USP26: variants seen among roughly 807,000 people sequenced by gnomAD.
USP26 encodes ubiquitin carboxyl-terminal hydrolase 26.
For missense variants in USP26, 649 were observed against 642.3 expected, an observed-to-expected ratio of 1.01 and a Z score of -0.11; for synonymous variants, 236 against 240.6, an observed-to-expected ratio of 0.98 and a Z score of 0.18.
chrX:133,073,143 A>G (rs1334152343), intron 5 of USP26, among the ~76,000 whole-genome samples: 1 of 110,811 alleles, frequency 9.0e-6, no homozygotes, highest in African/African-American at 3.3e-5. Flanking sequence ...TTTATTAAGT[A>G]GAAAACCAGT....
intron 1 of USP26, among the ~76,000 whole-genome samples, chrX:133,093,818 A>G (rs756648273): frequency 3.8e-5 from 4 of 106,621 alleles, no homozygotes; most frequent in Non-Finnish European, 7.7e-5. Context: ...CCGTCTCTAT[A>G]AAAAATACAA....
chrX:133,052,935 A>C (rs1602977968), intron 5 of USP26, among the ~76,000 whole-genome samples: 1 of 111,693 alleles, frequency 9.0e-6, no homozygotes. Flanking sequence ...CTGTGTGAGG[A>C]AAGAGCCAAG....
At chrX:133,083,421 G>C (rs932262106) in intron 5 of USP26, among the ~76,000 whole-genome samples, 15 of 96,370 alleles carry the variant, frequency 1.6e-4, no homozygotes, top group African/African-American at 5.5e-4. Context: ...CTGACCAGGC[G>C]TGTAGGGTGA....
intron 5 of USP26, among the ~76,000 whole-genome samples, chrX:133,080,551 A>G (rs747529886): frequency 6.3e-5 from 7 of 111,110 alleles, no homozygotes; most frequent in Admixed American, 3.9e-4. Context: ...CAACTCCCCA[A>G]TTAAGTGAGG....
At chrX:133,080,249 C>T (rs950412415) in intron 5 of USP26, among the ~76,000 whole-genome samples, 1 of 111,123 alleles carries the variant, frequency 9.0e-6, no homozygotes, top group Non-Finnish European at 1.9e-5. Flanking sequence ...AAGATCTAGA[C>T]CAGAAAACCA....
intron 5 of USP26, among the ~76,000 whole-genome samples, chrX:133,052,969 G>A (rs112683893): frequency 0.034 from 3,815 of 111,266 alleles, 98 homozygotes; most frequent in East Asian, 0.1. Flanking sequence ...GAGAAAGCAG[G>A]GCTGGGAAAA....
At chrX:133,034,306 C>G (rs919002236) in intron 5 of USP26, among the ~76,000 whole-genome samples, 1 of 111,555 alleles carries the variant, frequency 9.0e-6, no homozygotes, top group African/African-American at 3.3e-5. Context: ...AGAATCTTAA[C>G]TTTCCTGAGG....
At chrX:133,035,833 G>A (rs764281433) in intron 5 of USP26, among the ~76,000 whole-genome samples, 5 of 112,175 alleles carry the variant, frequency 4.5e-5, no homozygotes, top group Non-Finnish European at 9.4e-5. Flanking sequence ...AATCACAGCA[G>A]AACAGAAATC....
Position 133,033,037 on chromosome X carries a change from C to T in USP26, c.-76-4741G>A, listed in dbSNP as rs188736091. Among the ~76,000 whole-genome samples the T allele has an allele frequency of 6.3e-5, 7 of 111,254 alleles. No individual in the cohort carries two copies. The East Asian group carries it at 2.0e-3, about 32-fold the overall frequency. On this transcript the variant is annotated intron_variant, in intron 5 of 5. Transcript: ENST00000511190. ...AGTGGAGAGTTGAATGTTAGGGGCA[C>T]GTAGACTGCGTTAGAGACAGACATG...
chrX:133,033,218 C>G, intron 5 of USP26, among the ~76,000 whole-genome samples: 1 of 111,858 alleles, frequency 8.9e-6, no homozygotes, highest in Admixed American at 9.5e-5. Flanking sequence ...TATGTTTGGT[C>G]CCAGCTTCAG....
chrX:133,026,946 A>G lies in USP26; in HGVS notation c.1275T>C (p.Pro425=). Residue 425 remains proline (P), a synonymous_variant, in exon 6 of 6, where the codon CCT becomes CCC. Transcript: ENST00000511190. Reference sequence around the variant, plus strand: ...CAGGGCAAGAAAACCCACTGGTGTCAGGATCATCAGCAAAAACCTGTTTAG... The same window carrying G: ...CAGGGCAAGAAAACCCACTGGTGTCGGGATCATCAGCAAAAACCTGTTTAG... ...NFPKQVFADD[P]DTSGFSCPVI... 1 of 1,211,514 alleles carries G rather than the reference A, an allele frequency of 8.3e-7. No homozygotes were observed.
intron 5 of USP26, among the ~76,000 whole-genome samples, chrX:133,074,199 C>T (rs1399960480): frequency 8.9e-6 from 1 of 112,250 alleles, no homozygotes; most frequent in Non-Finnish European, 1.9e-5. Context: ...CAGTATCAGA[C>T]TGTGGACTAA....
intron 5 of USP26, among the ~76,000 whole-genome samples, chrX:133,053,874 C>T (rs2067467617): frequency 9.0e-6 from 1 of 111,592 alleles, no homozygotes; most frequent in Admixed American, 9.5e-5. Flanking sequence ...GAAAAAGTAC[C>T]TACTTAAGTA....
At chrX:133,077,522 A>G (rs1399816421) in intron 5 of USP26, among the ~76,000 whole-genome samples, 3 of 112,067 alleles carry the variant, frequency 2.7e-5, no homozygotes, top group Non-Finnish European at 5.6e-5. Flanking sequence ...TCATTTTCAG[A>G]TATACTACAA....
chrX:133,054,409 C>G (rs1333451642), intron 5 of USP26, among the ~76,000 whole-genome samples: 1 of 111,664 alleles, frequency 9.0e-6, no homozygotes, highest in Non-Finnish European at 1.9e-5. Context: ...GAAATGGATT[C>G]ACATAATAGT....
rs2798780 is a variant in USP26 at position 133,035,471 on chromosome X, A to G, written c.-76-7175T>C. On this transcript the variant is annotated intron_variant, in intron 5 of 5. Coordinates refer to ENST00000511190, the MANE Select transcript of USP26 (RefSeq NM_031907.3). ...AAAGAATTTGGTAATGCCTCCCATG[A>G]CAGAACCAGCTTTTAGAGCCTATTA... Among the ~76,000 whole-genome samples, 275 of 112,101 alleles carry G rather than the reference A, an allele frequency of 2.5e-3. 1 individual carries two copies. The highest frequency in any genetic ancestry group is 8.3e-3 in the African/African-American group (256 of 30,886).
intron 5 of USP26, among the ~76,000 whole-genome samples, chrX:133,069,428 C>T (rs1171103460): frequency 9.0e-6 from 1 of 110,504 alleles, no homozygotes; most frequent in African/African-American, 3.3e-5. Flanking sequence ...AGAATGGGAC[C>T]CAGAAAGACC....
At chrX:133,059,168 C>T (rs1041443734) in intron 5 of USP26, among the ~76,000 whole-genome samples, 1 of 111,121 alleles carries the variant, frequency 9.0e-6, no homozygotes, top group African/African-American at 3.3e-5. Flanking sequence ...GCATTTCATA[C>T]GATCTCCTTT....
chrX:133,094,817 G>A lies in USP26; in HGVS notation c.-393+2213C>T, dbSNP rs773394780. Among the ~76,000 whole-genome samples, 12 of 111,724 alleles carry A rather than the reference G, an allele frequency of 1.1e-4. No individual in the cohort carries two copies. In the South Asian group the frequency reaches 4.5e-3, roughly 41 times the overall value. On this transcript the variant is annotated intron_variant, in intron 1 of 5. Transcript: ENST00000511190. Reference sequence around the variant, plus strand: ...ACATTAAAAATACCACAAACGGGCTGGGCACAGTGGCTCACGCCTGTAATC... The same window carrying A: ...ACATTAAAAATACCACAAACGGGCTAGGCACAGTGGCTCACGCCTGTAATC...
Sources: gnomAD v4.1 joint callset for allele counts (sites outside exome capture counted in the v4.1 genomes callset) on GRCh38, gnomAD v4.1.1 for gene constraint, MANE v1.5 for transcripts, NCBI Gene and HGNC (gene_info 2026-07-23, HGNC 2026-07-21) for gene names.